BCAS3: variants seen among roughly 807,000 people sequenced by gnomAD.
The protein encoded by BCAS3 is BCAS3 microtubule associated cell migration factor, also known as BCAS4/BCAS3 fusion.
In BCAS3, 53 loss-of-function variants were observed where a neutral mutation model predicts 116.1. The ratio of observed to expected loss-of-function variants is 0.46; its 90% confidence interval spans 0.37 to 0.57. The LOEUF is 0.57. BCAS3 is among the 20% of genes least tolerant of loss of function. BCAS3 has a pLI of 0.00. For missense variants in BCAS3, 917 were observed against 1,165.4 expected, an observed-to-expected ratio of 0.79 and a Z score of 3.10; for synonymous variants, 391 against 408.2, an observed-to-expected ratio of 0.96 and a Z score of 0.51.
At chr17:61,044,550 A>G (rs2067869172) in intron 19 of BCAS3, among the ~76,000 whole-genome samples, 1 of 151,192 alleles carries the variant, frequency 6.6e-6, no homozygotes, top group African/African-American at 2.4e-5. Context: ...CATTTCACTT[A>G]AAGTCACAGT....
intron 7 of BCAS3, among the ~76,000 whole-genome samples, chr17:60,828,338 G>C (rs1050968377): frequency 1.7e-4 from 26 of 152,124 alleles, no homozygotes; most frequent in African/African-American, 5.6e-4. Context: ...AGATAATTAG[G>C]CAATTCATTA....
chr17:61,252,395 A>G (rs2144552052), intron 22 of BCAS3, among the ~76,000 whole-genome samples: 1 of 152,294 alleles, frequency 6.6e-6, no homozygotes, highest in Non-Finnish European at 1.5e-5. Flanking sequence ...CAGCCCCCCC[A>G]GTTCCAGCTT....
At chr17:60,746,495 T>G (rs760947199) in intron 5 of BCAS3, among the ~76,000 whole-genome samples, 18 of 152,140 alleles carry the variant, frequency 1.2e-4, no homozygotes, top group Non-Finnish European at 2.2e-4. Context: ...ATTAATAGAA[T>G]GAATGACTGA....
intron 22 of BCAS3, among the ~76,000 whole-genome samples, chr17:61,150,111 A>C (rs2077464239): frequency 6.6e-6 from 1 of 152,216 alleles, no homozygotes; most frequent in Non-Finnish European, 1.5e-5. Flanking sequence ...AGTCCCAACT[A>C]AACAGCCAAT....
chr17:61,022,057 T>C (rs991775160), intron 16 of BCAS3, among the ~76,000 whole-genome samples: 33 of 152,188 alleles, frequency 2.2e-4, no homozygotes, highest in African/African-American at 7.2e-4. Context: ...GTTCTAGATA[T>C]TAAATAATGG....
chr17:60,865,157 A>C (rs2054487735), intron 7 of BCAS3, among the ~76,000 whole-genome samples: 1 of 152,222 alleles, frequency 6.6e-6, no homozygotes. Context: ...GGCTTCAGTC[A>C]ACTTGCTTGA....
intron 22 of BCAS3, among the ~76,000 whole-genome samples, chr17:61,236,645 A>G (rs1362861586): frequency 1.3e-5 from 2 of 152,132 alleles, no homozygotes; most frequent in African/African-American, 2.4e-5. Flanking sequence ...AAGTGTTACT[A>G]TGGACAAAGC....
intron 22 of BCAS3, among the ~76,000 whole-genome samples, chr17:61,150,180 A>G (rs990549416): frequency 3.3e-5 from 5 of 152,194 alleles, no homozygotes; most frequent in East Asian, 1.9e-4. Context: ...ATAGGAGTCT[A>G]TTGATTGGTC....
chr17:61,212,224 TA>T (rs1302134365), intron 22 of BCAS3, among the ~76,000 whole-genome samples: 1 of 152,170 alleles, frequency 6.6e-6, no homozygotes, highest in Non-Finnish European at 1.5e-5. Context: ...GAAGCTCAAA[TA>T]GTTTTATTTT....
intron 19 of BCAS3, among the ~76,000 whole-genome samples, chr17:61,074,113 G>GAAAAAAAAAAAAAAAA (rs917229045): frequency 1.6e-5 from 1 of 61,230 alleles, no homozygotes; most frequent in Non-Finnish European, 3.8e-5. Flanking sequence ...TATCTCTTAA[G>GAAAAAAAAAAAAAAAA]AAAAAAAAAA....
chr17:60,992,100 A>T (rs1267461663), intron 15 of BCAS3, among the ~76,000 whole-genome samples: 1 of 151,622 alleles, frequency 6.6e-6, no homozygotes. Context: ...GAGTACTTCT[A>T]TGTAATTCTT....
chr17:61,371,638 C>T (rs2059049125), intron 23 of BCAS3, among the ~76,000 whole-genome samples: 1 of 152,124 alleles, frequency 6.6e-6, no homozygotes, highest in Non-Finnish European at 1.5e-5. Flanking sequence ...TCGATTTAGC[C>T]ATTCCAAATG....
At chr17:61,120,397 A>G (rs2075723487) in intron 22 of BCAS3, among the ~76,000 whole-genome samples, 2 of 152,112 alleles carry the variant, frequency 1.3e-5, no homozygotes, top group South Asian at 4.1e-4. Context: ...ACAAACCCAT[A>G]TCTTTCCTTT....
At chr17:61,231,737 G>C (rs1332544639) in intron 22 of BCAS3, among the ~76,000 whole-genome samples, 1 of 151,900 alleles carries the variant, frequency 6.6e-6, no homozygotes, top group Non-Finnish European at 1.5e-5. Context: ...CATTAGCCAG[G>C]TGTGGTGACA....
chr17:60,984,951 A>ATG (rs2063035699), intron 14 of BCAS3, among the ~76,000 whole-genome samples: 1 of 144,080 alleles, frequency 6.9e-6, no homozygotes, highest in East Asian at 2.2e-4. Context: ...CAGAGGTTGC[A>ATG]GTGAGCCGAG....
intron 14 of BCAS3, among the ~76,000 whole-genome samples, chr17:60,985,618 ATT>A (rs2063093195): frequency 6.6e-6 from 1 of 152,046 alleles, no homozygotes; most frequent in Non-Finnish European, 1.5e-5. Context: ...GATATTATCC[ATT>A]CTTTCTATTT....
At chr17:60,785,325 A>G (rs1249527655) in intron 6 of BCAS3, among the ~76,000 whole-genome samples, 2 of 151,724 alleles carry the variant, frequency 1.3e-5, no homozygotes, top group Non-Finnish European at 1.5e-5. Flanking sequence ...TGCCCAGCTA[A>G]TTTTTGTAAT....
intron 19 of BCAS3, among the ~76,000 whole-genome samples, chr17:61,070,964 A>G (rs2071373516): frequency 6.6e-6 from 1 of 152,188 alleles, no homozygotes; most frequent in Non-Finnish European, 1.5e-5. Context: ...AACTACAACA[A>G]AAACTAAGAA....
At position 60,810,428 on chromosome 17, in the gene BCAS3, A is replaced by G. The variant is rs1598870538; in HGVS notation, c.476+2352A>G. The G allele has an allele frequency of 1.4e-5, 8 of 556,574 alleles. No homozygotes were observed. In the East Asian group the frequency reaches 3.2e-4, roughly 22 times the overall value. The allele number at this position is 556,574 out of a possible 1,614,324, so 34.5% of individuals were successfully genotyped here. A position where few individuals can be genotyped will look rare whatever the true frequency, so the allele number is the denominator to read the frequency against. On this transcript the variant is annotated intron_variant, in intron 7 of 23. Transcript: ENST00000407086. The stretch of plus-strand genomic sequence containing the variant: ...GAGAAAGAGACCATGCAAAGCCTGG[A>G]CGATTGCCTGGCCTCCTGCCTGGAC...
Sources: gnomAD v4.1 joint callset for allele counts (sites outside exome capture counted in the v4.1 genomes callset) on GRCh38, gnomAD v4.1.1 for gene constraint, MANE v1.5 for transcripts, NCBI Gene and HGNC (gene_info 2026-07-23, HGNC 2026-07-21) for gene names.